Variants in NCOA2 observed in about 807,000 individuals in gnomAD.
NCOA2 encodes the protein nuclear receptor coactivator 2, also known as class E basic helix-loop-helix protein 75.
In NCOA2, 21 loss-of-function variants were observed where a neutral mutation model predicts 145.1. That is an observed-to-expected ratio of 0.14 (90% CI 0.10 to 0.21). The LOEUF is 0.21. NCOA2 is among the 10% of genes least tolerant of loss of function. NCOA2 has a pLI of 1.00. For synonymous variants in NCOA2, 619 were observed against 637.5 expected (o/e 0.97, Z 0.44); for missense variants, 1,472 against 1,837.6 (o/e 0.80, Z 3.64).
chr8:70,158,044 C>CAAAT (rs1323340924), intron 10 of NCOA2, among the ~76,000 whole-genome samples: 2 of 152,182 alleles, frequency 1.3e-5, no homozygotes, highest in Admixed American at 6.5e-5. Flanking sequence ...TTTTGAGTTA[C>CAAAT]CAAATGTGTT....
rs185713112 is a variant in NCOA2 at position 70,116,013 on chromosome 8, C to T, written c.4384-2370G>A. On this transcript the variant is annotated intron_variant, in intron 22 of 22. Coordinates refer to ENST00000452400, the MANE Select transcript of NCOA2 (RefSeq NM_006540.4). ...CATCCTGGCTAACACGGTGAAACCC[C>T]GTCTCTACTAAAAATACAAAAAAAT... Among the ~76,000 whole-genome samples the T allele has an allele frequency of 9.7e-3, 1,465 of 150,870 alleles. 12 individuals carry two copies. The highest frequency in any genetic ancestry group is 0.014 in the Non-Finnish European group (958 of 67,788).
At chr8:70,238,142 A>ATG (rs1250125567) in intron 2 of NCOA2, among the ~76,000 whole-genome samples, 3 of 151,458 alleles carry the variant, frequency 2.0e-5, no homozygotes, top group African/African-American at 7.3e-5. Context: ...ATGAATAAGC[A>ATG]TGTGCACACG....
intron 1 of NCOA2, among the ~76,000 whole-genome samples, chr8:70,398,615 C>T (rs988323636): frequency 1.3e-5 from 2 of 152,204 alleles, no homozygotes; most frequent in Non-Finnish European, 2.9e-5. Flanking sequence ...TGTCAGCTGA[C>T]GCCTAGTCAA....
At position 70,112,299 on chromosome 8, in the gene NCOA2, T is replaced by C; in HGVS notation, c.*1333A>G. The C allele has an allele frequency of 5.1e-6, 1 of 195,124 alleles. No homozygotes were observed. The highest frequency in any genetic ancestry group is 1.1e-5 in the Non-Finnish European group (1 of 93,518). The allele number at this position is 195,124 out of a possible 1,614,324, so 12.1% of individuals were successfully genotyped here. A position where few individuals can be genotyped will look rare whatever the true frequency, so the allele number is the denominator to read the frequency against. ...GAAGATATCTAATTTAATACTGAAG[T>C]ACCTCATTTTTGAGTCAATTCCACA... On this transcript the variant is annotated 3_prime_UTR_variant, in exon 23 of 23. Coordinates refer to ENST00000452400, the MANE Select transcript of NCOA2 (RefSeq NM_006540.4).
chr8:70,396,410 G>A (rs1044534464), intron 1 of NCOA2, among the ~76,000 whole-genome samples: 3 of 152,140 alleles, frequency 2.0e-5, no homozygotes, highest in African/African-American at 7.2e-5. Context: ...CACTAGCAGA[G>A]AATTACTGAT....
rs151187730 is a variant in NCOA2 at position 70,398,345 on chromosome 8, A to G, written c.-77+5355T>C. Among the ~76,000 whole-genome samples, 850 of 152,238 alleles carry G rather than the reference A, an allele frequency of 5.6e-3. 10 individuals carry two copies. Among genetic ancestry groups the G allele is most frequent in the Middle Eastern group, 0.01 (3 of 294 alleles). On this transcript the variant is annotated intron_variant, in intron 1 of 22. Transcript: ENST00000452400. ...GTGGAGACACACACCTGTAGTCCCA[A>G]CTACTTGGGAGGCTGGGTCAGGAGG...
chr8:70,162,299 C>T (rs1813114956), intron 9 of NCOA2, among the ~76,000 whole-genome samples: 1 of 152,192 alleles, frequency 6.6e-6, no homozygotes, highest in South Asian at 2.1e-4. Flanking sequence ...TTGTTGGTTA[C>T]CACCTTGAAG....
intron 1 of NCOA2, among the ~76,000 whole-genome samples, chr8:70,316,878 C>T (rs964708194): frequency 1.1e-4 from 16 of 152,174 alleles, no homozygotes; most frequent in Non-Finnish European, 1.5e-4. Flanking sequence ...CTGCTGATGA[C>T]GCCCGAGACC....
intron 1 of NCOA2, among the ~76,000 whole-genome samples, chr8:70,352,709 C>T (rs1267093448): frequency 6.6e-6 from 1 of 152,126 alleles, no homozygotes; most frequent in East Asian, 1.9e-4. Context: ...AAGTAATTAC[C>T]GTTACTGCAT....
upstream of NCOA2, among the ~76,000 whole-genome samples, chr8:70,407,336 G>A (rs1814799710): frequency 6.6e-6 from 1 of 152,112 alleles, no homozygotes; most frequent in Non-Finnish European, 1.5e-5. Flanking sequence ...TTTCCTTACT[G>A]AAGTAGTCAT....
chr8:70,187,259 A>G (rs1816179436), intron 4 of NCOA2, among the ~76,000 whole-genome samples: 1 of 152,198 alleles, frequency 6.6e-6, no homozygotes, highest in Non-Finnish European at 1.5e-5. Flanking sequence ...AGGCCAACCA[A>G]CATTTACAAT....
upstream of NCOA2, among the ~76,000 whole-genome samples, chr8:70,404,382 C>A (rs1814665854): frequency 1.3e-5 from 2 of 152,180 alleles, no homozygotes; most frequent in South Asian, 2.1e-4. Context: ...CGGGGAGAGC[C>A]GAGTTCCAGG....
chr8:70,167,317 T>A (rs1404459184), intron 6 of NCOA2, among the ~76,000 whole-genome samples: 1 of 152,142 alleles, frequency 6.6e-6, no homozygotes, highest in Non-Finnish European at 1.5e-5. Context: ...ATTGCATCCA[T>A]CTAACGGGAT....
chr8:70,262,040 A>T (rs1672662388), intron 2 of NCOA2, among the ~76,000 whole-genome samples: 1 of 151,978 alleles, frequency 6.6e-6, no homozygotes, highest in African/African-American at 2.4e-5. Context: ...TATATAGAAG[A>T]TATTATAAAA....
intron 1 of NCOA2, among the ~76,000 whole-genome samples, chr8:70,338,314 C>T (rs188124135): frequency 6.6e-6 from 1 of 152,198 alleles, no homozygotes; most frequent in African/African-American, 2.4e-5. Context: ...TAAACACTTC[C>T]ATGCACATGA....
At chr8:70,423,465 G>A in the NCOA2 span, among the ~76,000 whole-genome samples, 5 of 152,156 alleles carry the variant, frequency 3.3e-5, no homozygotes, top group South Asian at 4.1e-4. Context: ...TTGAGCCACC[G>A]CGCCTGGGCT....
At chr8:70,297,149 C>T (rs1214891710) in intron 1 of NCOA2, among the ~76,000 whole-genome samples, 1 of 152,154 alleles carries the variant, frequency 6.6e-6, no homozygotes, top group South Asian at 2.1e-4. Flanking sequence ...GCAGGAGGCC[C>T]TAGTGACCTA....
chr8:70,419,117 A>AG, the NCOA2 span, among the ~76,000 whole-genome samples: 513 of 151,654 alleles, frequency 3.4e-3, 5 homozygotes, highest in African/African-American at 0.012. Flanking sequence ...AAAAAAAAAA[A>AG]CTAGATATCC....
intron 1 of NCOA2, among the ~76,000 whole-genome samples, chr8:70,309,131 A>G (rs1388514699): frequency 6.6e-6 from 1 of 152,176 alleles, no homozygotes; most frequent in African/African-American, 2.4e-5. Context: ...TGGAAAAGCC[A>G]TATGAAAAAA....
Sources: allele counts gnomAD v4.1 joint callset (sites outside exome capture counted in the v4.1 genomes callset), GRCh38; gene constraint gnomAD v4.1.1; transcripts MANE v1.5; gene names NCBI Gene and HGNC (gene_info 2026-07-23, HGNC 2026-07-21).